Variants in DLG2 observed in about 807,000 individuals in gnomAD.
DLG2 encodes discs large MAGUK scaffold protein 2, also known as disks large homolog 2.
In DLG2, 45 loss-of-function variants were observed where a neutral mutation model predicts 132.5. The observed-to-expected ratio is 0.34, with a 90% CI of 0.27 to 0.44. DLG2 has a LOEUF of 0.44. Among genes scored for constraint, DLG2 ranks in the 20% least tolerant of loss-of-function variants. The probability of loss-of-function intolerance (pLI) is 1.00; values close to 1 mark genes in which losing one functional copy is unlikely to be tolerated. For missense variants in DLG2, 1,045 were observed against 1,196.9 expected, an observed-to-expected ratio of 0.87 and a Z score of 1.87; for synonymous variants, 424 against 419.6, an observed-to-expected ratio of 1.01 and a Z score of -0.13.
chr11:84,135,815 T>C (rs895870109), intron 9 of DLG2, among the ~76,000 whole-genome samples: 2 of 152,120 alleles, frequency 1.3e-5, no homozygotes, highest in African/African-American at 4.8e-5. Context: ...ATGAGTATTA[T>C]GGTTTATTTG....
intron 11 of DLG2, among the ~76,000 whole-genome samples, chr11:84,050,110 G>T (rs2096332883): frequency 6.6e-6 from 1 of 151,082 alleles, no homozygotes; most frequent in South Asian, 2.1e-4. Context: ...AGATCACAGA[G>T]TGCCTAAAAT....
At chr11:84,092,868 T>A (rs907078341) in intron 10 of DLG2, among the ~76,000 whole-genome samples, 5 of 151,724 alleles carry the variant, frequency 3.3e-5, no homozygotes, top group Non-Finnish European at 5.9e-5. Context: ...AAACCCTGAT[T>A]CTACTAAAAA....
chr11:84,929,457 C>T (rs138403488), intron 6 of DLG2, among the ~76,000 whole-genome samples: 28 of 152,116 alleles, frequency 1.8e-4, no homozygotes, highest in African/African-American at 6.0e-4. Context: ...AATGGCAATA[C>T]TCAGGCAAAA....
At chr11:83,637,942 C>A (rs531701976) in intron 18 of DLG2, among the ~76,000 whole-genome samples, 3 of 152,272 alleles carry the variant, frequency 2.0e-5, no homozygotes, top group African/African-American at 7.2e-5. Context: ...TAAGCATGAT[C>A]ATGCCGAGGT....
At chr11:85,309,418 G>A (rs557512456) in intron 3 of DLG2, among the ~76,000 whole-genome samples, 1 of 94,968 alleles carries the variant, frequency 1.1e-5, no homozygotes, top group Admixed American at 1.1e-4. Flanking sequence ...CTCCATATAG[G>A]GGTTTTCTAC....
At chr11:84,053,109 T>C (rs1264537843) in intron 11 of DLG2, among the ~76,000 whole-genome samples, 1 of 152,088 alleles carries the variant, frequency 6.6e-6, no homozygotes, top group African/African-American at 2.4e-5. Flanking sequence ...ATCATGTCCT[T>C]TGCAGAGACA....
intron 6 of DLG2, among the ~76,000 whole-genome samples, chr11:84,707,645 T>C (rs949149040): frequency 1.3e-5 from 2 of 151,752 alleles, no homozygotes; most frequent in Admixed American, 6.6e-5. Flanking sequence ...GAGACCAATA[T>C]CTGAAGTCCT....
chr11:83,487,677 A>T (rs1417895955), intron 21 of DLG2, among the ~76,000 whole-genome samples: 1 of 152,050 alleles, frequency 6.6e-6, no homozygotes. Flanking sequence ...ATGCTTGAAG[A>T]TTATTTATTT....
intron 2 of DLG2, among the ~76,000 whole-genome samples, chr11:85,620,773 G>T (rs1456420683): frequency 6.6e-6 from 1 of 152,218 alleles, no homozygotes; most frequent in East Asian, 1.9e-4. Context: ...AGCAAAGGTT[G>T]GTTCATGAGG....
At position 83,469,232 on chromosome 11, in the gene DLG2, C is replaced by A. The variant is rs1489675368; in HGVS notation, c.2588G>T (p.Ser863Ile). ...TGCTACAAATCTCACAGACTGCACA[C>A]TGGTTCCATATAAATTGTCATTGTA... Reference protein sequence around the residue: ...GQYNDNLYGTSVQSVRFVAER... With the variant: ...GQYNDNLYGTIVQSVRFVAER... Residue 863 changes from serine to isoleucine, a missense_variant, in exon 25 of 28, where the codon AGT (serine) becomes ATT (isoleucine). By Grantham distance (142) the Ser-to-Ile change is moderately radical (BLOSUM62 -2). Transcript: ENST00000376104. 1 of 1,613,042 alleles carries A rather than the reference C, an allele frequency of 6.2e-7. No homozygotes were observed. The highest frequency in any genetic ancestry group is 8.5e-7 in the Non-Finnish European group (1 of 1,179,638).
At chr11:84,282,273 G>T (rs1242092665) in intron 7 of DLG2, among the ~76,000 whole-genome samples, 1 of 152,138 alleles carries the variant, frequency 6.6e-6, no homozygotes, top group Non-Finnish European at 1.5e-5. Flanking sequence ...CATACTATAT[G>T]ATCTCACTTA....
chr11:85,337,870 C>T (rs988650735), intron 3 of DLG2, among the ~76,000 whole-genome samples: 4 of 152,064 alleles, frequency 2.6e-5, no homozygotes, highest in Non-Finnish European at 4.4e-5. Context: ...GGCAGATTTT[C>T]GAAAGAACAA....
chr11:85,310,409 T>C (rs1204056577), intron 3 of DLG2, among the ~76,000 whole-genome samples: 2 of 152,290 alleles, frequency 1.3e-5, no homozygotes, highest in African/African-American at 2.4e-5. Context: ...TTAATCTCCA[T>C]TGAATAAACT....
At chr11:85,311,617 C>T (rs553669568) in intron 3 of DLG2, among the ~76,000 whole-genome samples, 2 of 151,756 alleles carry the variant, frequency 1.3e-5, no homozygotes, top group African/African-American at 2.4e-5. Context: ...TTGAATAGCT[C>T]GAAATTCAGA....
At chr11:83,918,394 T>A (rs181841932) in intron 15 of DLG2, among the ~76,000 whole-genome samples, 11 of 152,314 alleles carry the variant, frequency 7.2e-5, no homozygotes, top group African/African-American at 2.4e-4. Flanking sequence ...CTCACACCTA[T>A]CCTGATTTCC....
intron 6 of DLG2, among the ~76,000 whole-genome samples, chr11:84,983,765 A>C (rs1361250351): frequency 6.6e-6 from 1 of 152,210 alleles, no homozygotes; most frequent in Non-Finnish European, 1.5e-5. Context: ...GAAGTGAAGG[A>C]AGAAATATTC....
chr11:84,670,200 C>T (rs2099704222), intron 6 of DLG2, among the ~76,000 whole-genome samples: 1 of 152,088 alleles, frequency 6.6e-6, no homozygotes, highest in South Asian at 2.1e-4. Flanking sequence ...TCTGAGCCTT[C>T]CCTGTCTTCT....
intron 21 of DLG2, among the ~76,000 whole-genome samples, chr11:83,506,947 A>C (rs1490208068): frequency 1.3e-5 from 2 of 152,054 alleles, no homozygotes; most frequent in African/African-American, 4.8e-5. Flanking sequence ...TGAGACTCTC[A>C]CTCAGGGCAA....
intron 9 of DLG2, among the ~76,000 whole-genome samples, chr11:84,143,355 G>T (rs1425692423): frequency 6.6e-6 from 1 of 152,122 alleles, no homozygotes; most frequent in African/African-American, 2.4e-5. Context: ...TGGTAATAGA[G>T]TGAAGAATAA....
Sources: allele counts gnomAD v4.1 joint callset (sites outside exome capture counted in the v4.1 genomes callset), GRCh38; gene constraint gnomAD v4.1.1; transcripts MANE v1.5; gene names NCBI Gene and HGNC (gene_info 2026-07-23, HGNC 2026-07-21).